Variants in ST8SIA2 observed in about 807,000 individuals in gnomAD.
ST8SIA2 encodes the protein alpha-2,8-sialyltransferase 8B.
ST8SIA2 carries 22 observed loss-of-function variants against 37.6 expected under a neutral mutation model. The ratio of observed to expected loss-of-function variants is 0.58; its 90% CI spans 0.42 to 0.83. The LOEUF is 0.83. Among genes scored for constraint, ST8SIA2 ranks in the 40% least tolerant of loss-of-function variants. ST8SIA2 has a pLI of 0.00. For synonymous variants in ST8SIA2, 205 were observed against 201.2 expected (o/e 1.02, Z -0.16); for missense variants, 382 against 484.7 (o/e 0.79, Z 1.99).
At chr15:92,454,043 G>A (rs1445208239) in intron 5 of ST8SIA2, among the ~76,000 whole-genome samples, 1 of 152,204 alleles carries the variant, frequency 6.6e-6, no homozygotes, top group African/African-American at 2.4e-5. Context: ...CCATTACTGA[G>A]GTGGTGGAGA....
chr15:92,428,734 C>T (rs781600422), intron 1 of ST8SIA2, among the ~76,000 whole-genome samples: 8 of 152,162 alleles, frequency 5.3e-5, no homozygotes, highest in Non-Finnish European at 1.0e-4. Context: ...GAAGACCCAA[C>T]GTTACTCTTT....
At chr15:92,452,398 G>A (rs994233119) in intron 5 of ST8SIA2, among the ~76,000 whole-genome samples, 4 of 152,208 alleles carry the variant, frequency 2.6e-5, no homozygotes, top group African/African-American at 7.2e-5. Context: ...GAACCTCCCA[G>A]GGGCAAACTT....
At chr15:92,445,059 C>A in intron 5 of ST8SIA2, 130 bp downstream of exon 5, 1 of 1,355,078 alleles carries the variant, frequency 7.4e-7, no homozygotes, top group Non-Finnish European at 1.0e-6. Flanking sequence ...CTCAGCAAGT[C>A]ACCTGGCCTT....
intron 3 of ST8SIA2, among the ~76,000 whole-genome samples, chr15:92,435,217 G>A (rs1019694809): frequency 1.3e-5 from 2 of 152,172 alleles, no homozygotes; most frequent in Non-Finnish European, 2.9e-5. Flanking sequence ...ACATGAGGTG[G>A]TGCTGCATCT....
At chr15:92,436,855 GC>G (rs1246361491) in intron 3 of ST8SIA2, among the ~76,000 whole-genome samples, 2 of 152,204 alleles carry the variant, frequency 1.3e-5, no homozygotes. Flanking sequence ...CCCCCTGGCT[GC>G]CCCGGAGGCT....
intron 5 of ST8SIA2, among the ~76,000 whole-genome samples, chr15:92,450,444 T>C (rs1048161522): frequency 1.3e-4 from 20 of 152,190 alleles, no homozygotes; most frequent in African/African-American, 4.3e-4. Context: ...GGGTAATTTA[T>C]AAAGAAAAGA....
intron 2 of ST8SIA2, among the ~76,000 whole-genome samples, chr15:92,433,528 G>T (rs1272890762): frequency 6.6e-6 from 1 of 152,202 alleles, no homozygotes; most frequent in African/African-American, 2.4e-5. Flanking sequence ...ACCCAGAATC[G>T]TGATCCACCC....
Position 92,465,475 on chromosome 15 carries a change from A to C in ST8SIA2, c.*1090A>C, listed in dbSNP as rs1204084997. ...AGCCCCAGAGTGTGAGACCTGAAAGAATGTTCAGCATCTAGCTCCATGTCC... is the reference window on the plus strand; with the variant it reads ...AGCCCCAGAGTGTGAGACCTGAAAGCATGTTCAGCATCTAGCTCCATGTCC... On this transcript the variant is annotated 3_prime_UTR_variant, in exon 6 of 6. Transcript: ENST00000268164. 6.6e-6 allele frequency: 1 copy of C among 152,190 alleles called. No individual in the cohort carries two copies. The allele number at this position is 152,190 out of a possible 1,614,324, so 9.4% of individuals were successfully genotyped here.
intron 4 of ST8SIA2, among the ~76,000 whole-genome samples, chr15:92,441,581 A>G (rs1404126100): frequency 5.0e-5 from 1 of 20,174 alleles, no homozygotes; most frequent in African/African-American, 3.3e-4. Flanking sequence ...GTGCATGCAC[A>G]CACACACACA....
At chr15:92,433,942 ATTACTC>A (rs2049735459) in intron 2 of ST8SIA2, among the ~76,000 whole-genome samples, 1 of 110,972 alleles carries the variant, frequency 9.0e-6, no homozygotes, top group African/African-American at 2.8e-5. Context: ...AATAAGAAAT[ATTACTC>A]TTCTGACAGT....
intron 1 of ST8SIA2, among the ~76,000 whole-genome samples, chr15:92,394,861 C>A (rs2049418519): frequency 6.6e-6 from 1 of 152,206 alleles, no homozygotes; most frequent in South Asian, 2.1e-4. Flanking sequence ...GCTCGCAGCG[C>A]GGAGACGGAG....
rs186654909 is a variant in ST8SIA2, at chr15:92,467,142, G to A, written c.*2757G>A. On this transcript the variant is annotated 3_prime_UTR_variant, in exon 6 of 6. Transcript: ENST00000268164. Reference sequence around the variant, plus strand: ...CCTCCATTCACCTCAAGCCCCAACAGGCCCCTGTCATTCCACTTCATGGAA... The same window carrying A: ...CCTCCATTCACCTCAAGCCCCAACAAGCCCCTGTCATTCCACTTCATGGAA... 5.4e-4 allele frequency: 83 copies of A among 152,918 alleles called. No homozygotes were observed. The highest frequency in any genetic ancestry group is 2.3e-3 in the South Asian group (11 of 4,826). The allele number at this position is 152,918 out of a possible 1,614,324, so 9.5% of individuals were successfully genotyped here. A position where few individuals can be genotyped will look rare whatever the true frequency, so the allele number is the denominator to read the frequency against.
intron 5 of ST8SIA2, among the ~76,000 whole-genome samples, chr15:92,453,108 A>G (rs2049894872): frequency 6.6e-6 from 1 of 152,098 alleles, no homozygotes; most frequent in South Asian, 2.1e-4. Flanking sequence ...ATTGCAGATG[A>G]GGAGAGGAAG....
chr15:92,425,678 C>G (rs564638910), intron 1 of ST8SIA2, among the ~76,000 whole-genome samples: 1 of 152,218 alleles, frequency 6.6e-6, no homozygotes, highest in African/African-American at 2.4e-5. Flanking sequence ...GTGGTTTGCA[C>G]AGGAAAGAAT....
At chr15:92,452,907 G>C (rs1468617138) in intron 5 of ST8SIA2, among the ~76,000 whole-genome samples, 1 of 152,036 alleles carries the variant, frequency 6.6e-6, no homozygotes, top group African/African-American at 2.4e-5. Flanking sequence ...ATGAGTCTGG[G>C]GGAAAGGGAA....
intron 3 of ST8SIA2, 81 bp downstream of exon 3, chr15:92,434,456 A>G: frequency 1.3e-6 from 2 of 1,592,476 alleles, no homozygotes; most frequent in Non-Finnish European, 1.7e-6. Context: ...CGTCATCTAA[A>G]GAAGTCAGGA....
chr15:92,434,894 C>T lies in ST8SIA2; in HGVS notation c.290+519C>T, dbSNP rs960836791. Among the ~76,000 whole-genome samples the T allele has an allele frequency of 2.1e-5, 3 of 139,550 alleles. No individual in the cohort carries two copies. The South Asian group carries it at 7.4e-4, about 34-fold the overall frequency. 91.6% of individuals were successfully genotyped at this position (139,550 alleles called of 152,430 possible). Reference sequence around the variant, plus strand: ...GGAGAACCCAGGAACTGACATGACACCCGACCAGAAAGCAGAGGTCTGTTT... The same window carrying T: ...GGAGAACCCAGGAACTGACATGACATCCGACCAGAAAGCAGAGGTCTGTTT... On this transcript the variant is annotated intron_variant, in intron 3 of 5. Coordinates refer to ENST00000268164, the MANE Select transcript of ST8SIA2 (RefSeq NM_006011.4).
At chr15:92,463,353 CAG>C (rs2049969917) in intron 5 of ST8SIA2, among the ~76,000 whole-genome samples, 1 of 152,192 alleles carries the variant, frequency 6.6e-6, no homozygotes, top group Non-Finnish European at 1.5e-5. Context: ...AGAGAGTGGG[CAG>C]AACCCAGCCT....
intron 1 of ST8SIA2, among the ~76,000 whole-genome samples, chr15:92,414,563 G>C (rs4777977): frequency 6.6e-6 from 1 of 152,076 alleles, no homozygotes; most frequent in Non-Finnish European, 1.5e-5. Context: ...CTCTAAGTCA[G>C]TTGGAGGAAG....
Sources: allele counts gnomAD v4.1 joint callset (sites outside exome capture counted in the v4.1 genomes callset), GRCh38; gene constraint gnomAD v4.1.1; transcripts MANE v1.5; gene names NCBI Gene and HGNC (gene_info 2026-07-23, HGNC 2026-07-21).